Variants in FAT3 observed in about 807,000 individuals in gnomAD.
FAT3 encodes FAT atypical cadherin 3, also known as protocadherin Fat 3.
A neutral mutation model predicts 310.2 loss-of-function variants in FAT3; 95 were observed. The observed-to-expected ratio is 0.31, with a 90% CI of 0.26 to 0.36. The LOEUF (loss-of-function observed/expected upper bound fraction) is 0.36. Ranked by LOEUF, FAT3 falls within the 10% of genes least tolerant of loss-of-function variation. The probability of loss-of-function intolerance (pLI) is 1.00; values close to 1 mark genes in which losing one functional copy is unlikely to be tolerated. For missense variants in FAT3, 5,408 were observed against 5,715.6 expected (o/e 0.95, Z 1.74); for synonymous variants, 2,314 against 2,192.9 (o/e 1.06, Z -1.54).
intron 6 of FAT3, among the ~76,000 whole-genome samples, chr11:92,767,978 A>C (rs921999483): frequency 6.6e-6 from 1 of 152,132 alleles, no homozygotes; most frequent in Non-Finnish European, 1.5e-5. Flanking sequence ...ACCTTTGACA[A>C]AATAGAAACA....
At chr11:92,610,704 T>C (rs1166670590) in intron 3 of FAT3, among the ~76,000 whole-genome samples, 2 of 152,206 alleles carry the variant, frequency 1.3e-5, no homozygotes, top group Admixed American at 6.5e-5. Context: ...TTTGCACTTA[T>C]CATAATTGAA....
intron 4 of FAT3, among the ~76,000 whole-genome samples, chr11:92,736,229 T>C (rs1436549927): frequency 6.6e-6 from 1 of 152,112 alleles, no homozygotes; most frequent in African/African-American, 2.4e-5. Context: ...GAGCTGCCAT[T>C]TGAGAGTCGC....
intron 3 of FAT3, among the ~76,000 whole-genome samples, chr11:92,563,019 C>CTA (rs1955289817): frequency 6.6e-6 from 1 of 152,122 alleles, no homozygotes; most frequent in East Asian, 1.9e-4. Flanking sequence ...TCATATAGTG[C>CTA]TATAGTACAT....
chr11:92,227,601 T>C (rs565212511), intron 1 of FAT3, among the ~76,000 whole-genome samples: 16 of 152,154 alleles, frequency 1.1e-4, no homozygotes, highest in South Asian at 6.2e-4. Flanking sequence ...TGAATGATGT[T>C]CTGGTGTGAC....
At chr11:92,475,445 A>G (rs1282933929) in intron 2 of FAT3, among the ~76,000 whole-genome samples, 1 of 151,942 alleles carries the variant, frequency 6.6e-6, no homozygotes, top group African/African-American at 2.4e-5. Context: ...GTGGGATCCT[A>G]GGGTCAGAGG....
intron 4 of FAT3, among the ~76,000 whole-genome samples, chr11:92,746,428 A>G (rs1318475003): frequency 6.6e-6 from 1 of 152,150 alleles, no homozygotes; most frequent in Admixed American, 6.5e-5. Context: ...CCCATGATTC[A>G]TTTATCGCCA....
At chr11:92,729,194 A>G (rs1366633609) in intron 4 of FAT3, among the ~76,000 whole-genome samples, 1 of 152,158 alleles carries the variant, frequency 6.6e-6, no homozygotes, top group East Asian at 1.9e-4. Flanking sequence ...GTAGAGGACA[A>G]GGTGCCAGCG....
intron 21 of FAT3, among the ~76,000 whole-genome samples, chr11:92,862,955 G>T (rs1054849605): frequency 1.3e-5 from 2 of 152,118 alleles, no homozygotes; most frequent in African/African-American, 4.8e-5. Flanking sequence ...AGAGCAAGTT[G>T]GGAGTTAGAT....
chr11:92,323,652 A>G (rs1008500009), intron 1 of FAT3, among the ~76,000 whole-genome samples: 2 of 148,872 alleles, frequency 1.3e-5, no homozygotes, highest in East Asian at 2.0e-4. Flanking sequence ...AAACTATGCT[A>G]TAAACAGATG....
At chr11:92,511,472 T>C (rs902669803) in intron 2 of FAT3, among the ~76,000 whole-genome samples, 1 of 152,144 alleles carries the variant, frequency 6.6e-6, no homozygotes, top group Non-Finnish European at 1.5e-5. Context: ...AATGTTATGA[T>C]GTTATCCTTC....
At chr11:92,823,972 GT>G (rs1202822117) in intron 13 of FAT3, among the ~76,000 whole-genome samples, 2 of 152,138 alleles carry the variant, frequency 1.3e-5, no homozygotes, top group Non-Finnish European at 2.9e-5. Context: ...AATTTAAGCT[GT>G]TTCATTGTAG....
rs1591795091 is a variant in FAT3, at chr11:92,835,073, T to G, written c.10075T>G (p.Ser3359Ala). The G allele has an allele frequency of 6.2e-7, 1 of 1,612,104 alleles. No individual in the cohort carries two copies. ...CAGTGAAGACGCCTTGGTGGGAGAC[T>G]CTGTCATTTTGGTAGGTACCTGGGG... ...VISEDALVGD[S>A]VILLIAEDVD... is the part of the protein sequence containing the mutation. Residue 3359 changes from serine (S) to alanine (A), a missense_variant, in exon 15 of 28, where the codon TCT (serine) becomes GCT (alanine). Physicochemically the swap from Ser to Ala is moderately conservative, Grantham distance 99. This residue lies in a region of FAT3 where 4,588 missense variants were observed against 4,809.8 expected (regional missense o/e 0.95). Coordinates refer to ENST00000525166, the MANE Select transcript of FAT3 (RefSeq NM_001367949.2).
At chr11:92,332,786 T>C (rs1947953141) in intron 1 of FAT3, among the ~76,000 whole-genome samples, 1 of 152,210 alleles carries the variant, frequency 6.6e-6, no homozygotes, top group African/African-American at 2.4e-5. Flanking sequence ...TAAGATACTA[T>C]TTATTGCCTT....
chr11:92,655,617 G>A (rs1369809044), intron 3 of FAT3, among the ~76,000 whole-genome samples: 3 of 151,988 alleles, frequency 2.0e-5, no homozygotes, highest in African/African-American at 7.2e-5. Context: ...TTTGTGCTTG[G>A]TTCCCCTTGA....
At chr11:92,691,836 A>G (rs1943806130) in intron 3 of FAT3, among the ~76,000 whole-genome samples, 1 of 152,194 alleles carries the variant, frequency 6.6e-6, no homozygotes, top group South Asian at 2.1e-4. Context: ...TGGTAAAGAC[A>G]TGTATTAGGT....
At chr11:92,325,304 G>T (rs748621841) in intron 1 of FAT3, among the ~76,000 whole-genome samples, 1 of 152,192 alleles carries the variant, frequency 6.6e-6, no homozygotes, top group Admixed American at 6.5e-5. Context: ...CTACATGAAA[G>T]AAATTTTTGC....
In FAT3 at chr11:92,480,804, T is replaced by C. The variant is rs151216039; in HGVS notation, c.3293-43830T>C. ...TTAGTGGAATACTTCCATTGGATGC[T>C]GCATGACCAGAAATGTCTAAATGAA... On this transcript the variant is annotated intron_variant, in intron 2 of 27. Transcript: ENST00000525166. Among the ~76,000 whole-genome samples, 164 of 152,304 alleles carry C rather than the reference T, an allele frequency of 1.1e-3. 1 individual carries two copies. The highest frequency in any genetic ancestry group is 3.7e-3 in the African/African-American group (155 of 41,568).
At chr11:92,777,869 C>CTAT (rs527682622) in intron 7 of FAT3, among the ~76,000 whole-genome samples, 2 of 151,948 alleles carry the variant, frequency 1.3e-5, no homozygotes, top group African/African-American at 4.8e-5. Flanking sequence ...GCTACTGCTG[C>CTAT]TATTATTATT....
rs184609190 is a variant in FAT3 at position 92,821,428 on chromosome 11, T to G, written c.9482-10194T>G. On this transcript the variant is annotated intron_variant, in intron 13 of 27. Transcript: ENST00000525166. The stretch of plus-strand genomic sequence containing the variant: ...TAGATATTGTTATTTCTAACCTGCA[T>G]AGGTCACTGATTTAATGTATTTTAC... Among the ~76,000 whole-genome samples, 411 of 152,326 alleles carry G rather than the reference T, an allele frequency of 2.7e-3. 1 individual carries two copies. Among genetic ancestry groups the G allele is most frequent in the African/African-American group, 9.0e-3 (374 of 41,582 alleles).
Sources: allele counts gnomAD v4.1 joint callset (sites outside exome capture counted in the v4.1 genomes callset), GRCh38; gene constraint gnomAD v4.1.1; regional missense constraint gnomAD v4.1.1; transcripts MANE v1.5; gene names NCBI Gene and HGNC (gene_info 2026-07-23, HGNC 2026-07-21).